RARB: variants seen among roughly 807,000 people sequenced by gnomAD.
The protein encoded by RARB is retinoic acid receptor beta, also known as HBV-activated protein.
In RARB, 17 loss-of-function variants were observed where a neutral mutation model predicts 51.9. That is an observed-to-expected ratio of 0.33 (90% CI 0.22 to 0.49). RARB has a LOEUF of 0.49. Ranked by LOEUF, RARB falls within the 20% of genes least tolerant of loss-of-function variation. RARB has a pLI of 0.99. For missense variants in RARB, 369 were observed against 550.8 expected, an observed-to-expected ratio of 0.67 and a Z score of 3.30; for synonymous variants, 215 against 195.4, an observed-to-expected ratio of 1.10 and a Z score of -0.84.
At chr3:25,446,802 C>CAAAAAAAAAAA (rs5847356) in intron 1 of RARB, among the ~76,000 whole-genome samples, 7 of 69,074 alleles carry the variant, frequency 1.0e-4, no homozygotes, top group African/African-American at 3.2e-4. Context: ...GACTCCGTCT[C>CAAAAAAAAAAA]AAAAAAAAAA....
At chr3:25,109,305 A>G (rs1282381320) in intron 3 of RARB, among the ~76,000 whole-genome samples, 1 of 152,154 alleles carries the variant, frequency 6.6e-6, no homozygotes, top group Non-Finnish European at 1.5e-5. Context: ...TCAACACCTG[A>G]TGAGTGATGG....
intron 2 of RARB, among the ~76,000 whole-genome samples, chr3:25,023,037 G>C (rs1697671211): frequency 6.6e-6 from 1 of 152,146 alleles, no homozygotes; most frequent in Non-Finnish European, 1.5e-5. Flanking sequence ...AAATTGGAGG[G>C]ACAAATGGGT....
intron 3 of RARB, among the ~76,000 whole-genome samples, chr3:25,129,805 T>A (rs988608340): frequency 1.3e-5 from 2 of 152,086 alleles, no homozygotes; most frequent in African/African-American, 4.8e-5. Flanking sequence ...TCATTTGTCA[T>A]TATTTTGGTA....
At chr3:25,438,025 C>T (rs1005076334) in intron 1 of RARB, among the ~76,000 whole-genome samples, 1 of 152,196 alleles carries the variant, frequency 6.6e-6, no homozygotes, top group Non-Finnish European at 1.5e-5. Context: ...GCTGGGCAGA[C>T]CCTCTGCTCC....
At chr3:25,199,377 C>A (rs866719658) in intron 5 of RARB, among the ~76,000 whole-genome samples, 10 of 151,832 alleles carry the variant, frequency 6.6e-5, no homozygotes, top group African/African-American at 2.4e-4. Flanking sequence ...TGAATAAGAT[C>A]TAATATTTGA....
chr3:24,864,165 G>A (rs1257496427), intron 2 of RARB, among the ~76,000 whole-genome samples: 3 of 152,194 alleles, frequency 2.0e-5, no homozygotes, highest in Non-Finnish European at 4.4e-5. Context: ...CATGCACACA[G>A]TCACTGATGT....
intron 3 of RARB, among the ~76,000 whole-genome samples, chr3:25,080,811 A>G (rs926259263): frequency 1.3e-5 from 2 of 152,168 alleles, no homozygotes; most frequent in Admixed American, 1.3e-4. Flanking sequence ...AAGCCTTATC[A>G]GGTATGTTTT....
intron 5 of RARB, among the ~76,000 whole-genome samples, chr3:25,176,262 G>T (rs117437151): frequency 4.7e-5 from 7 of 148,906 alleles, no homozygotes; most frequent in African/African-American, 1.7e-4. Flanking sequence ...GGGCTTCTTT[G>T]GCTACTGATT....
chr3:25,465,562 G>A (rs1055064175), intron 2 of RARB, among the ~76,000 whole-genome samples: 1 of 152,202 alleles, frequency 6.6e-6, no homozygotes, highest in South Asian at 2.1e-4. Flanking sequence ...CTGGGTGACA[G>A]TCTCAGCCTC....
At chr3:25,014,181 G>A (rs1012741359) in intron 2 of RARB, among the ~76,000 whole-genome samples, 3 of 151,730 alleles carry the variant, frequency 2.0e-5, no homozygotes, top group East Asian at 3.9e-4. Flanking sequence ...CTTCACTTTC[G>A]CATGCCTTTT....
At chr3:24,959,724 A>C (rs1364364533) in intron 2 of RARB, among the ~76,000 whole-genome samples, 1 of 152,176 alleles carries the variant, frequency 6.6e-6, no homozygotes, top group Non-Finnish European at 1.5e-5. Context: ...AGGATAATTG[A>C]CAGTGTGATC....
At chr3:25,183,535 G>A (rs1700910278) in intron 5 of RARB, among the ~76,000 whole-genome samples, 1 of 152,122 alleles carries the variant, frequency 6.6e-6, no homozygotes, top group South Asian at 2.1e-4. Context: ...GAATCTGTGA[G>A]ATTCTTCAGA....
intron 2 of RARB, among the ~76,000 whole-genome samples, chr3:25,473,930 A>AAAAAAAAAAC (rs1364432225): frequency 2.6e-5 from 4 of 151,562 alleles, no homozygotes; most frequent in Admixed American, 6.6e-5. Flanking sequence ...GGAAAAAAAA[A>AAAAAAAAAAC]AAACCTTTAT....
intron 5 of RARB, among the ~76,000 whole-genome samples, chr3:25,222,912 A>C (rs1037326449): frequency 2.0e-4 from 30 of 152,236 alleles, no homozygotes; most frequent in African/African-American, 7.2e-4. Flanking sequence ...TTGCAAAAAG[A>C]GTTCGAAAAC....
Position 25,200,854 on chromosome 3 carries a change from A to G in RARB, c.178+26279A>G, listed in dbSNP as rs560160857. On this transcript the variant is annotated intron_variant, in intron 5 of 11. Transcript: ENST00000383772. Reference sequence around the variant, plus strand: ...GTTTTGGTTACTGTAGCCTTGTAGTATAGTTTGAAGTCAGGTAGCATGATA... The same window carrying G: ...GTTTTGGTTACTGTAGCCTTGTAGTGTAGTTTGAAGTCAGGTAGCATGATA... Among the ~76,000 whole-genome samples the G allele has an allele frequency of 4.6e-5, 7 of 152,234 alleles. No individual in the cohort carries two copies. In the East Asian group the frequency reaches 1.4e-3, roughly 29 times the overall value.
At chr3:24,856,378 C>T (rs571617058) in intron 1 of RARB, among the ~76,000 whole-genome samples, 1 of 152,272 alleles carries the variant, frequency 6.6e-6, no homozygotes, top group African/African-American at 2.4e-5. Context: ...CATGTCCTGA[C>T]CCACTGCATG....
At chr3:25,147,221 G>A (rs539882872) in intron 4 of RARB, among the ~76,000 whole-genome samples, 1 of 152,234 alleles carries the variant, frequency 6.6e-6, no homozygotes, top group African/African-American at 2.4e-5. Context: ...CACTCTAGGT[G>A]ATTATCTTCA....
intron 3 of RARB, among the ~76,000 whole-genome samples, chr3:25,539,644 G>T (rs1699294081): frequency 7.7e-6 from 1 of 130,046 alleles, no homozygotes; most frequent in Non-Finnish European, 1.6e-5. Flanking sequence ...ATTCTCTTTA[G>T]TCAATGTCCA....
chr3:24,925,050 C>T (rs1695288639), intron 2 of RARB, among the ~76,000 whole-genome samples: 1 of 152,044 alleles, frequency 6.6e-6, no homozygotes, highest in African/African-American at 2.4e-5. Flanking sequence ...CAAATGAGCA[C>T]ATGGTAACGA....
Sources: gnomAD v4.1 joint callset for allele counts (sites outside exome capture counted in the v4.1 genomes callset) on GRCh38, gnomAD v4.1.1 for gene constraint, MANE v1.5 for transcripts, NCBI Gene and HGNC (gene_info 2026-07-23, HGNC 2026-07-21) for gene names.